Variants in PKNOX2 observed in about 807,000 individuals in gnomAD.
PKNOX2 encodes homeobox protein PKNOX2.
PKNOX2 carries 14 observed loss-of-function variants against 53.1 expected under a neutral mutation model. The observed-to-expected ratio is 0.26, with a 90% CI of 0.17 to 0.41. The LOEUF is 0.41. Among genes scored for constraint, PKNOX2 ranks in the 10% least tolerant of loss-of-function variants. The pLI is 1.00. For synonymous variants in PKNOX2, 257 were observed against 242.8 expected (o/e 1.06, Z -0.54); for missense variants, 496 against 602.8 (o/e 0.82, Z 1.85).
At chr11:125,183,414 C>T (rs1031873086) in intron 1 of PKNOX2, among the ~76,000 whole-genome samples, 1 of 55,420 alleles carries the variant, frequency 1.8e-5, no homozygotes, top group African/African-American at 6.2e-5. Flanking sequence ...GACGGGGTTT[C>T]ACCTTGTTAG....
At chr11:125,192,651 AT>A (rs1335677680) in intron 1 of PKNOX2, among the ~76,000 whole-genome samples, 2 of 152,132 alleles carry the variant, frequency 1.3e-5, no homozygotes, top group African/African-American at 2.4e-5. Context: ...CATTTTCTTA[AT>A]TCTTTCAGCA....
chr11:125,311,485 T>C (rs1948802899), intron 2 of PKNOX2, among the ~76,000 whole-genome samples: 1 of 152,142 alleles, frequency 6.6e-6, no homozygotes, highest in African/African-American at 2.4e-5. Flanking sequence ...AATTCTGGTG[T>C]ATGCAAAGTG....
At chr11:125,353,067 C>T (rs773434066) in intron 4 of PKNOX2, among the ~76,000 whole-genome samples, 12 of 152,200 alleles carry the variant, frequency 7.9e-5, no homozygotes, top group Admixed American at 1.3e-4. Context: ...ATTCCCATTC[C>T]ACTCAGCCAG....
intron 4 of PKNOX2, among the ~76,000 whole-genome samples, chr11:125,364,042 G>A (rs538359263): frequency 1.3e-5 from 2 of 152,192 alleles, no homozygotes; most frequent in Admixed American, 6.5e-5. Flanking sequence ...TAATAGCCAC[G>A]CCCTGCCCCT....
rs645172 is a variant in PKNOX2, at chr11:125,432,826, G to A, written c.*1434G>A. On this transcript the variant is annotated 3_prime_UTR_variant, in exon 13 of 13. Transcript: ENST00000298282. ...CAGTTTCATTTGTAAATTGTGCATT[G>A]GCCACCTCCTTCAGTGGCAGGATGT... 0.8 allele frequency: 122,452 copies of A among 152,606 alleles called. 49,529 individuals carry two copies. Among genetic ancestry groups the A allele is most frequent in the East Asian group, 1 (5,133 of 5,148 alleles). 9.5% of individuals were successfully genotyped at this position (152,606 alleles called of 1,614,324 possible).
intron 2 of PKNOX2, among the ~76,000 whole-genome samples, chr11:125,247,493 C>T (rs972332397): frequency 7.2e-5 from 11 of 152,186 alleles, no homozygotes; most frequent in Admixed American, 7.2e-4. Context: ...ATCTCTTCTG[C>T]CTTGTCTGCA....
chr11:125,237,461 G>A (rs767260649), intron 2 of PKNOX2, among the ~76,000 whole-genome samples: 79 of 152,262 alleles, frequency 5.2e-4, no homozygotes, highest in Non-Finnish European at 4.6e-4. Flanking sequence ...TGTTGCAGTC[G>A]TCTTTAGAGA....
chr11:125,217,046 C>T (rs1329138920), intron 1 of PKNOX2, among the ~76,000 whole-genome samples: 1 of 151,766 alleles, frequency 6.6e-6, no homozygotes, highest in Non-Finnish European at 1.5e-5. Context: ...CAGTCTCTCT[C>T]ACACACACAC....
At chr11:125,390,438 G>A (rs1256867065) in intron 6 of PKNOX2, among the ~76,000 whole-genome samples, 1 of 152,138 alleles carries the variant, frequency 6.6e-6, no homozygotes, top group African/African-American at 2.4e-5. Context: ...TTTTCTTCTA[G>A]CTACATCTTA....
chr11:125,359,479 C>T (rs1379873998), intron 4 of PKNOX2, among the ~76,000 whole-genome samples: 1 of 152,194 alleles, frequency 6.6e-6, no homozygotes, highest in Non-Finnish European at 1.5e-5. Flanking sequence ...TTAAACTGGA[C>T]ATATCCCCAT....
At chr11:125,360,330 T>C (rs1257757630) in intron 4 of PKNOX2, among the ~76,000 whole-genome samples, 1 of 151,910 alleles carries the variant, frequency 6.6e-6, no homozygotes, top group Non-Finnish European at 1.5e-5. Flanking sequence ...GGGGTGGGAT[T>C]TGGATTTGAT....
At chr11:125,193,551 C>T (rs1402207984) in intron 1 of PKNOX2, among the ~76,000 whole-genome samples, 1 of 152,150 alleles carries the variant, frequency 6.6e-6, no homozygotes, top group Non-Finnish European at 1.5e-5. Flanking sequence ...CTATAACTTA[C>T]AAATGTCTGC....
rs1296086305 is a variant in PKNOX2 at position 125,165,230 on chromosome 11, C to A, written c.-201+454C>A. Among the ~76,000 whole-genome samples, 3 of 151,776 alleles carry A rather than the reference C, an allele frequency of 2.0e-5. No homozygotes were observed. In the East Asian group the frequency reaches 5.9e-4, roughly 30 times the overall value. ...TCCTCGGGTGCAAGGAGCCGGGCTGCGGACTCGAATCGCCGCGGGCCCAAC... is the reference window on the plus strand; with the variant it reads ...TCCTCGGGTGCAAGGAGCCGGGCTGAGGACTCGAATCGCCGCGGGCCCAAC... On this transcript the variant is annotated intron_variant, in intron 1 of 12. Coordinates refer to ENST00000298282, the MANE Select transcript of PKNOX2 (RefSeq NM_001382323.2). This position sits in a 1 kb window ranked among gnomAD's most constrained non-coding sequence, Gnocchi z 4.5.
chr11:125,268,866 G>A (rs1048945943), intron 2 of PKNOX2, among the ~76,000 whole-genome samples: 4 of 150,086 alleles, frequency 2.7e-5, no homozygotes, highest in Admixed American at 6.7e-5. Context: ...CCAGGAAATG[G>A]CTTTGGTCCC....
At chr11:125,219,041 C>T (rs554899350) in intron 1 of PKNOX2, among the ~76,000 whole-genome samples, 9 of 152,282 alleles carry the variant, frequency 5.9e-5, no homozygotes, top group African/African-American at 1.9e-4. Flanking sequence ...ATCATGTCAA[C>T]TGCAAAAGTA....
intron 1 of PKNOX2, among the ~76,000 whole-genome samples, chr11:125,191,755 G>C (rs1591475757): frequency 6.6e-6 from 1 of 152,174 alleles, no homozygotes; most frequent in South Asian, 2.1e-4. Context: ...TGGCCGGGAC[G>C]TACTTGCTTT....
chr11:125,385,666 C>G lies in PKNOX2; in HGVS notation c.343C>G (p.Gln115Glu). The part of the protein sequence containing the change: ...FDVDIENFVH[Q>E]QEQEHKPFFS... ...TGTGGACATCGAGAACTTTGTCCAC[C>G]AGCAGGAACAGGAGCACAAACCCTT... The change falls in exon 6 of 13, where the codon CAG becomes GAG. Residue 115 changes from glutamine (Q) to glutamate (E), a missense_variant. By Grantham distance (29) the Gln-to-Glu change is conservative. Transcript: ENST00000298282. 1 of 1,613,882 alleles carries G rather than the reference C, an allele frequency of 6.2e-7. No individual in the cohort carries two copies. The highest frequency in any genetic ancestry group is 8.5e-7 in the Non-Finnish European group (1 of 1,179,954).
chr11:125,238,551 G>T (rs1296333371), intron 2 of PKNOX2, among the ~76,000 whole-genome samples: 2 of 152,162 alleles, frequency 1.3e-5, no homozygotes, highest in Middle Eastern at 3.2e-3. Context: ...CTATTTTCTT[G>T]TATGACACTC....
At chr11:125,213,598 C>T (rs940751550) in intron 1 of PKNOX2, among the ~76,000 whole-genome samples, 1 of 152,068 alleles carries the variant, frequency 6.6e-6, no homozygotes, top group African/African-American at 2.4e-5. Flanking sequence ...GCTGGGACTA[C>T]AGGCACATGC....
Sources: allele counts gnomAD v4.1 joint callset (sites outside exome capture counted in the v4.1 genomes callset), GRCh38; gene constraint gnomAD v4.1.1; non-coding constraint Gnocchi (gnomAD v3.1); transcripts MANE v1.5; gene names NCBI Gene and HGNC (gene_info 2026-07-23, HGNC 2026-07-21).